Variants in SPMIP4 observed in about 807,000 individuals in gnomAD.
SPMIP4 encodes the protein sperm-associated microtubule inner protein 4.
the SPMIP4 span, chr7:25,136,382 A>G: frequency 6.2e-7 from 1 of 1,614,136 alleles, no homozygotes; most frequent in Non-Finnish European, 8.5e-7. This position sits in a 1 kb window ranked among gnomAD's most constrained non-coding sequence, Gnocchi z 5.7. Context: ...GGTTTACAGT[A>G]AGGTGTGGGT....
chr7:25,145,010 T>C, the SPMIP4 span, among the ~76,000 whole-genome samples: 1 of 151,014 alleles, frequency 6.6e-6, no homozygotes, highest in South Asian at 2.1e-4. Flanking sequence ...TCCCCCAGAC[T>C]GGAGTGCAGT....
the SPMIP4 span, chr7:25,155,294 C>T: frequency 1.9e-6 from 2 of 1,040,378 alleles, no homozygotes; most frequent in Non-Finnish European, 2.7e-6. Context: ...TTTTAAATGG[C>T]AGAAACTGTT....
chr7:25,158,305 G>C, the SPMIP4 span, among the ~76,000 whole-genome samples: 3 of 148,872 alleles, frequency 2.0e-5, no homozygotes, highest in South Asian at 6.3e-4. Flanking sequence ...GGAGGTCAAG[G>C]CTGCAGTGAG....
chr7:25,137,422 G>A, the SPMIP4 span, among the ~76,000 whole-genome samples: 17 of 151,724 alleles, frequency 1.1e-4, no homozygotes, highest in Admixed American at 5.9e-4. Context: ...AACAAGTTGC[G>A]GAGTGTATTA....
the SPMIP4 span, chr7:25,142,966 G>A: frequency 6.3e-5 from 32 of 504,304 alleles, no homozygotes; most frequent in African/African-American, 5.7e-4. Context: ...ATTACTAATT[G>A]CTATAATTGG....
the SPMIP4 span, among the ~76,000 whole-genome samples, chr7:25,178,701 G>A: frequency 6.6e-6 from 1 of 152,150 alleles, no homozygotes; most frequent in Non-Finnish European, 1.5e-5. Flanking sequence ...GACACTTGAA[G>A]GTTCAGATAA....
the SPMIP4 span, chr7:25,161,280 T>A: frequency 7.5e-7 from 1 of 1,335,110 alleles, no homozygotes; most frequent in South Asian, 1.4e-5. Context: ...AAGAAAAGAT[T>A]AAATTAAACA....
chr7:25,168,970 A>G, the SPMIP4 span, among the ~76,000 whole-genome samples: 1 of 151,384 alleles, frequency 6.6e-6, no homozygotes, highest in Non-Finnish European at 1.5e-5. Flanking sequence ...CAGGTGATCC[A>G]CCCGCCTCGG....
chr7:25,157,217 T>C, the SPMIP4 span, among the ~76,000 whole-genome samples: 1 of 152,228 alleles, frequency 6.6e-6, no homozygotes, highest in Non-Finnish European at 1.5e-5. Flanking sequence ...TCCATGAGTC[T>C]ATACTGAGAG....
the SPMIP4 span, among the ~76,000 whole-genome samples, chr7:25,129,255 A>AC: frequency 4.3e-4 from 66 of 151,804 alleles, no homozygotes; most frequent in South Asian, 5.9e-3. Flanking sequence ...TTTATTTGGG[A>AC]CCCCCCCAGA....
the SPMIP4 span, among the ~76,000 whole-genome samples, chr7:25,129,695 C>T: frequency 6.6e-6 from 1 of 151,946 alleles, no homozygotes. Flanking sequence ...CTGGAGGCTT[C>T]CATTTGGCCA....
At chr7:25,171,734 T>C in the SPMIP4 span, among the ~76,000 whole-genome samples, 8 of 152,224 alleles carry the variant, frequency 5.3e-5, no homozygotes, top group Non-Finnish European at 1.2e-4. Context: ...TTTACATTTT[T>C]GTTTTAAGGT....
At chr7:25,145,055 C>T in the SPMIP4 span, among the ~76,000 whole-genome samples, 31 of 151,858 alleles carry the variant, frequency 2.0e-4, no homozygotes, top group African/African-American at 6.8e-4. Context: ...CTATGCCTCC[C>T]GGGTTCAAGT....
the SPMIP4 span, among the ~76,000 whole-genome samples, chr7:25,159,075 T>G: frequency 6.6e-6 from 1 of 152,206 alleles, no homozygotes; most frequent in Non-Finnish European, 1.5e-5. Context: ...AAGGGATGAC[T>G]ACTTCTAATG....
chr7:25,170,281 T>C, the SPMIP4 span, among the ~76,000 whole-genome samples: 4 of 152,228 alleles, frequency 2.6e-5, no homozygotes, highest in Admixed American at 2.6e-4. Context: ...TTGATTTGCA[T>C]TTCCCCAATG....
the SPMIP4 span, among the ~76,000 whole-genome samples, chr7:25,128,339 G>T: frequency 6.6e-6 from 1 of 152,206 alleles, no homozygotes; most frequent in Non-Finnish European, 1.5e-5. This position sits in a 1 kb window ranked among gnomAD's most constrained non-coding sequence, Gnocchi z 4.5. Context: ...GGAAGCCAGG[G>T]CTTGGGGTCG....
At chr7:25,177,878 G>A in the SPMIP4 span, among the ~76,000 whole-genome samples, 2 of 152,092 alleles carry the variant, frequency 1.3e-5, no homozygotes, top group African/African-American at 4.8e-5. Context: ...ATGTTGCAGT[G>A]GTTCAGTGTA....
the SPMIP4 span, among the ~76,000 whole-genome samples, chr7:25,139,375 G>C: frequency 1.3e-3 from 198 of 152,096 alleles, no homozygotes; most frequent in African/African-American, 4.7e-3. Context: ...GTAGAATCTA[G>C]GTGGTGAGTA....
chr7:25,168,256 G>A, the SPMIP4 span: 3 of 1,568,140 alleles, frequency 1.9e-6, no homozygotes, highest in Admixed American at 6.4e-5. Context: ...GGATAATAAA[G>A]ACCTTTCTGT....
Sources: allele counts gnomAD v4.1 joint callset (sites outside exome capture counted in the v4.1 genomes callset), GRCh38; gene constraint gnomAD v4.1.1; non-coding constraint Gnocchi (gnomAD v3.1); transcripts MANE v1.5; gene names NCBI Gene and HGNC (gene_info 2026-07-23, HGNC 2026-07-21).